The following RBFOX1 variants were observed in gnomAD, a reference collection of about 807,000 sequenced individuals.
RBFOX1 encodes the protein RNA binding protein fox-1 homolog 1.
Under a neutral mutation model 57.7 loss-of-function variants are expected in RBFOX1, and 8 were observed. The observed-to-expected ratio is 0.14, with a 90% CI of 0.08 to 0.25. RBFOX1 has a LOEUF of 0.25. RBFOX1 is among the 10% of genes least tolerant of loss of function. The pLI, the probability that RBFOX1 is intolerant of heterozygous loss-of-function variation, is 1.00. For missense variants in RBFOX1, 611 were observed against 548.5 expected, an observed-to-expected ratio of 1.11 and a Z score of -1.14; for synonymous variants, 326 against 222.4, an observed-to-expected ratio of 1.47 and a Z score of -4.15.
At chr16:7,196,872 C>G (rs1602637572) in intron 4 of RBFOX1, among the ~76,000 whole-genome samples, 1 of 152,298 alleles carries the variant, frequency 6.6e-6, no homozygotes, top group East Asian at 1.9e-4. Context: ...AAATGGAATT[C>G]TGAGCCAAAG....
chr16:6,276,749 C>G (rs2075843086), intron 1 of RBFOX1, among the ~76,000 whole-genome samples: 1 of 151,822 alleles, frequency 6.6e-6, no homozygotes. Context: ...TGCTGCTATT[C>G]TTTATCACAG....
intron 2 of RBFOX1, among the ~76,000 whole-genome samples, chr16:5,586,643 T>C (rs1338985671): frequency 1.3e-5 from 2 of 152,178 alleles, no homozygotes; most frequent in Non-Finnish European, 2.9e-5. Flanking sequence ...GCTACAGGCA[T>C]GTGCTACCAC....
chr16:6,371,975 C>T (rs1390378898), intron 2 of RBFOX1, among the ~76,000 whole-genome samples: 1 of 152,136 alleles, frequency 6.6e-6, no homozygotes, highest in Non-Finnish European at 1.5e-5. Flanking sequence ...TCCCCATTGC[C>T]TAGGAAGATG....
intron 1 of RBFOX1, chr16:5,289,502 A>G (rs549862676): frequency 2.0e-5 from 4 of 197,862 alleles, no homozygotes; most frequent in African/African-American, 9.3e-5. Context: ...AAAATATTTT[A>G]TACATGTAGA....
intron 3 of RBFOX1, among the ~76,000 whole-genome samples, chr16:6,744,271 T>G (rs2073040733): frequency 1.3e-5 from 2 of 152,102 alleles, no homozygotes; most frequent in South Asian, 4.1e-4. Flanking sequence ...TCAGTGCTAG[T>G]CTCTCAATAA....
intron 2 of RBFOX1, among the ~76,000 whole-genome samples, chr16:6,381,648 C>G (rs2091828549): frequency 6.6e-6 from 1 of 152,174 alleles, no homozygotes; most frequent in Non-Finnish European, 1.5e-5. Flanking sequence ...AGCTCTTCCT[C>G]TTGGCTTGTG....
At chr16:6,847,213 A>T (rs1315617208) in intron 3 of RBFOX1, among the ~76,000 whole-genome samples, 2 of 152,160 alleles carry the variant, frequency 1.3e-5, no homozygotes, top group African/African-American at 4.8e-5. Flanking sequence ...TTAATACTGC[A>T]TAACAACATT....
intron 3 of RBFOX1, among the ~76,000 whole-genome samples, chr16:6,992,441 C>G (rs1000284807): frequency 4.6e-5 from 7 of 152,062 alleles, no homozygotes; most frequent in Non-Finnish European, 1.0e-4. Context: ...TGGTCTTGAA[C>G]TCTTGATCTC....
intron 4 of RBFOX1, among the ~76,000 whole-genome samples, chr16:5,884,480 C>A (rs1211887935): frequency 6.7e-6 from 1 of 150,300 alleles, no homozygotes; most frequent in African/African-American, 2.5e-5. Context: ...CTACCCCCGC[C>A]CCCGGCTAGG....
chr16:5,651,116 G>T (rs2049225803), intron 3 of RBFOX1, among the ~76,000 whole-genome samples: 1 of 134,050 alleles, frequency 7.5e-6, no homozygotes, highest in Non-Finnish European at 1.5e-5. Context: ...GCAGTGGCGT[G>T]ATCTCAGGTC....
chr16:5,558,300 A>G (rs145389518), intron 2 of RBFOX1, among the ~76,000 whole-genome samples: 1 of 152,138 alleles, frequency 6.6e-6, no homozygotes, highest in African/African-American at 2.4e-5. Flanking sequence ...ACACACGCCT[A>G]CTGGGCTTTG....
chr16:7,655,893 T>G (rs893784422), intron 12 of RBFOX1, among the ~76,000 whole-genome samples: 2 of 152,156 alleles, frequency 1.3e-5, no homozygotes, highest in Non-Finnish European at 2.9e-5. Flanking sequence ...CAAAATTAAA[T>G]TAGCTAACTT....
chr16:6,091,967 C>G (rs769420887), intron 1 of RBFOX1, among the ~76,000 whole-genome samples: 8 of 152,204 alleles, frequency 5.3e-5, no homozygotes, highest in Admixed American at 2.0e-4. Context: ...ACCCATGCAT[C>G]TATGTGTCTG....
chr16:7,316,270 G>C (rs2096437153), intron 4 of RBFOX1, among the ~76,000 whole-genome samples: 1 of 152,162 alleles, frequency 6.6e-6, no homozygotes, highest in South Asian at 2.1e-4. Context: ...ACACATAGCA[G>C]ACTTTTGAGA....
At chr16:7,462,925 C>G (rs571633750) in intron 4 of RBFOX1, among the ~76,000 whole-genome samples, 12 of 152,338 alleles carry the variant, frequency 7.9e-5, no homozygotes, top group Non-Finnish European at 1.5e-4. Flanking sequence ...ACTGGGCCCA[C>G]CCAGGTAGTT....
chr16:5,846,611 C>G (rs1447243441), intron 3 of RBFOX1, among the ~76,000 whole-genome samples: 1 of 152,160 alleles, frequency 6.6e-6, no homozygotes, highest in South Asian at 2.1e-4. Flanking sequence ...GAGACCCAAC[C>G]CTGTCCCAAG....
chr16:6,358,906 G>A (rs1034629900), intron 2 of RBFOX1, among the ~76,000 whole-genome samples: 5 of 152,274 alleles, frequency 3.3e-5, no homozygotes, highest in Middle Eastern at 6.8e-3. Flanking sequence ...TATTGAGTTC[G>A]AAACATGAAG....
intron 1 of RBFOX1, among the ~76,000 whole-genome samples, chr16:5,370,323 T>G (rs1014789244): frequency 6.6e-6 from 1 of 152,050 alleles, no homozygotes; most frequent in African/African-American, 2.4e-5. Flanking sequence ...GAGTTTTGTG[T>G]TCTCTTCCCT....
chr16:5,491,678 C>T (rs1236200356), intron 2 of RBFOX1, among the ~76,000 whole-genome samples: 2 of 152,220 alleles, frequency 1.3e-5, no homozygotes, highest in African/African-American at 4.8e-5. Context: ...GCCCAGCAGC[C>T]ATGAGCTAGA....
Sources: allele counts gnomAD v4.1 joint callset (sites outside exome capture counted in the v4.1 genomes callset), GRCh38; gene constraint gnomAD v4.1.1; transcripts MANE v1.5; gene names NCBI Gene and HGNC (gene_info 2026-07-23, HGNC 2026-07-21).